Variants in BIK observed in about 807,000 individuals in gnomAD.
BIK encodes BCL2 interacting killer, also known as bcl-2-interacting killer.
Under a neutral mutation model 12.1 loss-of-function variants are expected in BIK, and 14 were observed. The ratio of observed to expected loss-of-function variants is 1.16; its 90% confidence interval spans 0.77 to 1.81. The LOEUF (loss-of-function observed/expected upper bound fraction) is 1.81. Ranked by LOEUF, BIK falls within the 40% of genes most tolerant of loss-of-function variation. The pLI, the probability that BIK is intolerant of heterozygous loss-of-function variation, is 0.00. For synonymous variants in BIK, 86 were observed against 92.3 expected, an observed-to-expected ratio of 0.93 and a Z score of 0.39; for missense variants, 215 against 207.9, an observed-to-expected ratio of 1.03 and a Z score of -0.21.
intron 1 of BIK, among the ~76,000 whole-genome samples, chr22:43,121,640 G>A (rs1930221772): frequency 6.6e-6 from 1 of 152,060 alleles, no homozygotes; most frequent in African/African-American, 2.4e-5. Context: ...GCCTTTTCGA[G>A]GGGAAGGGAA....
At chr22:43,127,202 A>T (rs1448942315) in intron 2 of BIK, among the ~76,000 whole-genome samples, 1 of 152,058 alleles carries the variant, frequency 6.6e-6, no homozygotes, top group Non-Finnish European at 1.5e-5. Flanking sequence ...TGGTGCCAGC[A>T]GGGCTGGTTT....
rs62640385 is a variant in BIK at position 43,129,272 on chromosome 22, G to A, written c.450G>A (p.Leu150=). The change falls in exon 5 of 5, where the codon CTG becomes CTA. Residue 150 remains leucine (L), a synonymous_variant. Transcript: ENST00000216115. ...LLLLLALLLP[L]LSGGLHLLLK ...TGCTGCTGGCGCTGCTGCTGCCGCT[G>A]CTCAGCGGGGGCCTGCACCTGCTGC... 4.6e-4 allele frequency: 739 copies of A among 1,601,894 alleles called. 7 individuals are homozygous for A. The African/African-American group carries it at 8.6e-3, about 19-fold the overall frequency.
intron 2 of BIK, among the ~76,000 whole-genome samples, chr22:43,125,865 A>G (rs571199144): frequency 6.6e-6 from 1 of 152,276 alleles, no homozygotes; most frequent in Admixed American, 6.5e-5. Context: ...TTGGACTGAC[A>G]AGGACCCTGG....
intron 1 of BIK, among the ~76,000 whole-genome samples, chr22:43,114,366 G>A (rs958382216): frequency 6.6e-6 from 1 of 152,062 alleles, no homozygotes; most frequent in Non-Finnish European, 1.5e-5. Flanking sequence ...GCAGTGGTGT[G>A]ATCTCAGCTC....
chr22:43,128,535 C>T lies in BIK; in HGVS notation c.300C>T (p.Ile100=), dbSNP rs757187594. The T allele has an allele frequency of 1.9e-6, 3 of 1,613,884 alleles. No homozygotes were observed. Among genetic ancestry groups the T allele is most frequent in the Non-Finnish European group, 2.5e-6 (3 of 1,179,756 alleles). ...TCATCTACGACCAGACTGAGGACAT[C>T]AGGGATGTTCTTAGAAGTTTCATGG... ...LAFIYDQTED[I]RDVLRSFMDG... Residue 100 remains isoleucine (I), a synonymous_variant, in exon 4 of 5, where the codon ATC becomes ATT. Transcript: ENST00000216115.
At chr22:43,128,224 G>C (rs989705264) in intron 3 of BIK, among the ~76,000 whole-genome samples, 4 of 152,148 alleles carry the variant, frequency 2.6e-5, no homozygotes, top group African/African-American at 9.7e-5. Flanking sequence ...TTTCCACGTG[G>C]CCAGCTCTGG....
At chr22:43,116,337 G>A (rs965124533) in intron 1 of BIK, among the ~76,000 whole-genome samples, 5 of 151,900 alleles carry the variant, frequency 3.3e-5, no homozygotes, top group African/African-American at 1.2e-4. Flanking sequence ...GTGCAGTGGC[G>A]CAGTCACAGC....
intron 1 of BIK, among the ~76,000 whole-genome samples, chr22:43,112,578 T>G (rs543180120): frequency 6.6e-6 from 1 of 151,840 alleles, no homozygotes; most frequent in South Asian, 2.1e-4. Context: ...GCCCTTTTTT[T>G]TTTTTTAATT....
intron 1 of BIK, among the ~76,000 whole-genome samples, chr22:43,113,309 GT>G (rs1437552913): frequency 1.3e-5 from 2 of 152,172 alleles, no homozygotes; most frequent in Non-Finnish European, 2.9e-5. Flanking sequence ...GTTATTGTAA[GT>G]TTGTTTGTTT....
At chr22:43,112,408 A>C (rs1203973160) in intron 1 of BIK, among the ~76,000 whole-genome samples, 2 of 151,840 alleles carry the variant, frequency 1.3e-5, no homozygotes, top group Non-Finnish European at 2.9e-5. Flanking sequence ...CATGTTGGCC[A>C]AGCTAGTCTC....
chr22:43,116,715 C>A (rs2147019120), intron 1 of BIK, among the ~76,000 whole-genome samples: 1 of 152,246 alleles, frequency 6.6e-6, no homozygotes, highest in Non-Finnish European at 1.5e-5. Context: ...CCTCGGCCTC[C>A]CAAAGTGCTG....
At chr22:43,123,974 C>A (rs781671999) in intron 1 of BIK, 42 bp from the exon 2 acceptor site, 1 of 1,603,420 alleles carries the variant, frequency 6.2e-7, no homozygotes, top group Non-Finnish European at 8.5e-7. Flanking sequence ...CCAGACTGCT[C>A]AGTTCTTAGG....
chr22:43,127,897 T>G (rs1323209452), intron 3 of BIK, 102 bp downstream of exon 3: 4 of 1,118,528 alleles, frequency 3.6e-6, no homozygotes, highest in African/African-American at 2.0e-5. Flanking sequence ...GGAAGCTCTG[T>G]GGGGGATGTG....
chr22:43,114,055 C>T (rs1196324560), intron 1 of BIK, among the ~76,000 whole-genome samples: 1 of 152,100 alleles, frequency 6.6e-6, no homozygotes, highest in African/African-American at 2.4e-5. Flanking sequence ...CTTGTTGGCC[C>T]CGAGGCAGGC....
chr22:43,128,725 T>C, intron 4 of BIK, 100 bp downstream of exon 4: 2 of 1,457,440 alleles, frequency 1.4e-6, no homozygotes, highest in Non-Finnish European at 1.8e-6. Context: ...CTCCGTATCA[T>C]CATCTGTGTC....
chr22:43,124,690 G>A (rs1006026557), intron 2 of BIK, among the ~76,000 whole-genome samples: 2 of 152,206 alleles, frequency 1.3e-5, no homozygotes, highest in African/African-American at 2.4e-5. Context: ...TCAGGAGCTC[G>A]AGACCAGCCT....
intron 3 of BIK, 141 bp downstream of exon 3, chr22:43,127,936 T>G (rs999898124): frequency 2.8e-5 from 24 of 844,688 alleles, no homozygotes; most frequent in Non-Finnish European, 4.3e-5. Context: ...ACTGAAACCC[T>G]TGGCTGCTTC....
At position 43,129,254 on chromosome 22, in the gene BIK, G is replaced by GGCGCTGCTGCTGCCGCTGCTC. The variant is rs975840608; in HGVS notation, c.433_453dup (p.Ala145_Leu151dup). The GGCGCTGCTGCTGCCGCTGCTC allele has an allele frequency of 1.5e-5, 24 of 1,599,028 alleles. No homozygotes were observed. In the Admixed American group the frequency reaches 1.5e-4, roughly 10 times the overall value. On this transcript the variant is annotated inframe_insertion, in exon 5 of 5. Coordinates refer to ENST00000216115, the MANE Select transcript of BIK (RefSeq NM_001197.5). ...TGCTGCTGGCGCTGCTGCTGCTGCT[G>GGCGCTGCTGCTGCCGCTGCTC]GCGCTGCTGCTGCCGCTGCTCAGCG...
chr22:43,121,209 C>T (rs1930213003), intron 1 of BIK, among the ~76,000 whole-genome samples: 1 of 152,056 alleles, frequency 6.6e-6, no homozygotes, highest in Non-Finnish European at 1.5e-5. Context: ...AAAACACTAC[C>T]ACCAACAAAA....
Sources: gnomAD v4.1 joint callset for allele counts (sites outside exome capture counted in the v4.1 genomes callset) on GRCh38, gnomAD v4.1.1 for gene constraint, MANE v1.5 for transcripts, NCBI Gene and HGNC (gene_info 2026-07-23, HGNC 2026-07-21) for gene names.